The following DST variants were observed in gnomAD, a reference collection of about 807,000 sequenced individuals.
DST encodes dystonin, also known as bullous pemphigoid antigen.
DST carries 253 observed loss-of-function variants against 875.2 expected under a neutral mutation model. That is an observed-to-expected ratio of 0.29 (90% confidence interval 0.26 to 0.32). The LOEUF is 0.32. DST is among the 10% of genes least tolerant of loss of function. The pLI is 1.00. For synonymous variants in DST, 3,124 were observed against 3,197.1 expected, an observed-to-expected ratio of 0.98 and a Z score of 0.77; for missense variants, 8,287 against 9,111.6, an observed-to-expected ratio of 0.91 and a Z score of 3.68.
In DST at chr6:56,540,493, T is replaced by A. The variant is rs539425748; in HGVS notation, c.16609-3553A>T. ...CATATTGTGTCAAAAGTGTCACATTTTCTACTAAGCTGGTGCTACCACAAT... is the reference window on the plus strand; with the variant it reads ...CATATTGTGTCAAAAGTGTCACATTATCTACTAAGCTGGTGCTACCACAAT... On this transcript the variant is annotated intron_variant, in intron 61 of 103. Transcript: ENST00000680361. The A allele has an allele frequency of 2.0e-5, 3 of 152,706 alleles. No individual in the cohort carries two copies. The South Asian group carries it at 6.2e-4, about 32-fold the overall frequency. The allele number at this position is 152,706 out of a possible 1,614,324, so 9.5% of individuals were successfully genotyped here.
rs375923442 is a variant in DST, at chr6:56,851,494, G to C, written c.528C>G (p.Thr176=). Residue 176 remains threonine (T), a synonymous_variant, in exon 4 of 104, where the codon ACC becomes ACG. Coordinates refer to ENST00000680361, the MANE Select transcript of DST (RefSeq NM_001374736.1). ...CATGTTTAGGCAAATTCCAGGGTAA[G>C]GTGTCTCCCGGAGCTGGGGATGCGG... ...SGSASPAPGD[T]LPWNLPKHER... 212 of 1,614,064 alleles carry C rather than the reference G, an allele frequency of 1.3e-4. No individual in the cohort carries two copies. The African/African-American group carries it at 2.3e-3, about 18-fold the overall frequency.
rs1421590205 is a variant in DST at position 56,493,087 on chromosome 6, A to C, written c.20397T>G (p.Thr6799=). 6.2e-7 allele frequency: 1 copy of C among 1,609,894 alleles called. No homozygotes were observed. Among genetic ancestry groups the C allele is most frequent in the Non-Finnish European group, 8.5e-7 (1 of 1,177,772 alleles). The change falls in exon 84 of 104, where the codon ACT becomes ACG. Residue 6799 remains threonine (T), a splice_region_variant and synonymous_variant. Transcript: ENST00000680361. The part of the protein sequence containing the change: ...SVETKLNERK[T]KLEEALNLAM... ...CCAAGTTGAGAGCCTCTTCCAGTTT[A>C]GTCTGCAAGGACAGATTGTTTAGTA... is the stretch of plus-strand genomic sequence containing the variant.
At chr6:56,602,006 T>G (rs371772570) in intron 43 of DST, 10 of 444,762 alleles carry the variant, frequency 2.2e-5, no homozygotes, top group African/African-American at 1.8e-4. Flanking sequence ...AAGAGAAACA[T>G]CTACCTTAAA....
At chr6:56,878,530 A>G (rs529054292) in intron 3 of DST, among the ~76,000 whole-genome samples, 1 of 152,304 alleles carries the variant, frequency 6.6e-6, no homozygotes, top group East Asian at 1.9e-4. Context: ...TTGTGGATGG[A>G]AGGAGGGACC....
Position 56,536,154 on chromosome 6 carries a change from C to A in DST, c.16770+625G>T, listed in dbSNP as rs1308488386. Among the ~76,000 whole-genome samples, 3 of 152,160 alleles carry A rather than the reference C, an allele frequency of 2.0e-5. No homozygotes were observed. The East Asian group carries it at 5.8e-4, about 29-fold the overall frequency. On this transcript the variant is annotated intron_variant, in intron 62 of 103. Coordinates refer to ENST00000680361, the MANE Select transcript of DST (RefSeq NM_001374736.1). ...ATTTATGTCTCGTAAGAGCTGCCTG[C>A]CATCGTATGTCAGCATTATCTCCCT...
intron 32 of DST, 51 bp from the exon 33 acceptor site, chr6:56,628,212 A>C: frequency 6.6e-7 from 1 of 1,515,998 alleles, no homozygotes. Context: ...ATCCATCAGG[A>C]GGGTGGAAGA....
chr6:56,594,187 G>A lies in DST; in HGVS notation c.12202C>T (p.His4068Tyr), dbSNP rs2152689005. ...NQQYQKVKAQ[H>Y]EKIISQHQAV... ...TGGTGCTGAGAGATGATCTTCTCGT[G>A]TTGGGCCTATGTGAAAACAAATTGA... is the stretch of plus-strand genomic sequence containing the variant. The change falls in exon 48 of 104, where the codon CAC (histidine) becomes TAC (tyrosine). Residue 4068 changes from histidine to tyrosine, a missense_variant. His to Tyr is a moderately conservative substitution (Grantham distance 83, BLOSUM62 2). Transcript: ENST00000680361. The A allele has an allele frequency of 6.6e-7, 1 of 1,520,526 alleles. No individual in the cohort carries two copies. The highest frequency in any genetic ancestry group is 8.8e-7 in the Non-Finnish European group (1 of 1,140,724). 94.2% of individuals were successfully genotyped at this position (1,520,526 alleles called of 1,614,324 possible). A position where few individuals can be genotyped will look rare whatever the true frequency, so the allele number is the denominator to read the frequency against.
chr6:56,780,393 T>C (rs1229677903), intron 4 of DST, among the ~76,000 whole-genome samples: 3 of 151,618 alleles, frequency 2.0e-5, no homozygotes, highest in Non-Finnish European at 4.4e-5. Context: ...ACCTGTTGTT[T>C]CCTGACTTTT....
chr6:56,771,192 A>G (rs1303114009), intron 4 of DST, among the ~76,000 whole-genome samples: 2 of 152,176 alleles, frequency 1.3e-5, no homozygotes, highest in Non-Finnish European at 2.9e-5. Flanking sequence ...ACTAGGAGGA[A>G]TCTTAACTAT....
At chr6:56,689,599 CAG>C (rs2099213878) in intron 9 of DST, among the ~76,000 whole-genome samples, 1 of 152,120 alleles carries the variant, frequency 6.6e-6, no homozygotes, top group Non-Finnish European at 1.5e-5. Context: ...ACCCTGGGGC[CAG>C]GCTTTGAGAA....
intron 60 of DST, among the ~76,000 whole-genome samples, chr6:56,554,285 C>A (rs1049471755): frequency 1.2e-4 from 18 of 151,780 alleles, no homozygotes. Context: ...AGGGTTTCAC[C>A]GTGTTAGCCA....
At chr6:56,726,594 G>A (rs1308016858) in intron 5 of DST, among the ~76,000 whole-genome samples, 2 of 152,088 alleles carry the variant, frequency 1.3e-5, no homozygotes, top group Non-Finnish European at 2.9e-5. Flanking sequence ...ATCCTAACTT[G>A]GACCCCACTG....
Position 56,607,147 on chromosome 6 carries a change from G to A in DST, c.7481C>T (p.Ala2494Val), listed in dbSNP as rs367936316. 1.3e-4 allele frequency: 212 copies of A among 1,613,328 alleles called. No individual in the cohort carries two copies. The African/African-American group carries it at 2.4e-3, about 18-fold the overall frequency. Residue 2494 changes from alanine to valine, a missense_variant, in exon 40 of 104, where the codon GCA becomes GTA. By Grantham distance (64) the Ala-to-Val change is moderately conservative. This residue lies in a region of DST where 3,138 missense variants were observed against 3,116.6 expected (regional missense o/e 1.01). Transcript: ENST00000680361. Reference sequence around the variant, plus strand: ...TCCTGGTAAACTGATGTTAATAGCTGCAATTCCCAGAAACTGGTCTTGAAA... The same window carrying A: ...TCCTGGTAAACTGATGTTAATAGCTACAATTCCCAGAAACTGGTCTTGAAA... ...EKFQDQFLGI[A>V]AINISLPGEQ...
At chr6:56,825,099 C>T (rs1210324637) in intron 4 of DST, among the ~76,000 whole-genome samples, 9 of 151,716 alleles carry the variant, frequency 5.9e-5, no homozygotes, top group African/African-American at 1.2e-4. Context: ...GGATGGTTGC[C>T]GTGTCTGTGT....
rs146489582 is a variant in DST, at chr6:56,573,632, GTTTT to G, written c.13236+43_13236+46del. 3 of 1,456,400 alleles carry G rather than the reference GTTTT, an allele frequency of 2.1e-6. No individual in the cohort carries two copies. In the African/African-American group the frequency reaches 4.2e-5, roughly 20 times the overall value. 90.2% of individuals were successfully genotyped at this position (1,456,400 alleles called of 1,614,324 possible). A position where few individuals can be genotyped will look rare whatever the true frequency, so the allele number is the denominator to read the frequency against. ...AACTACACTTTGAGCTTATAAAACT[GTTTT>G]TTTAAAAAACTGAAAATGGGACTTT... On this transcript the variant is annotated intron_variant, in intron 51 of 103. Coordinates refer to ENST00000680361, the MANE Select transcript of DST (RefSeq NM_001374736.1).
At chr6:56,671,728 G>A (rs776553228) in intron 9 of DST, among the ~76,000 whole-genome samples, 10 of 152,156 alleles carry the variant, frequency 6.6e-5, no homozygotes, top group Non-Finnish European at 1.2e-4. Context: ...CTCAATCAGT[G>A]CAAGACGCAA....
intron 9 of DST, among the ~76,000 whole-genome samples, chr6:56,689,126 A>G (rs908993675): frequency 6.6e-6 from 1 of 152,200 alleles, no homozygotes; most frequent in Non-Finnish European, 1.5e-5. Context: ...GATGGAGCTC[A>G]TAACAGAACA....
intron 10 of DST, among the ~76,000 whole-genome samples, chr6:56,655,718 A>G (rs2099003814): frequency 1.3e-5 from 2 of 152,126 alleles, no homozygotes; most frequent in African/African-American, 4.8e-5. Flanking sequence ...TGCTCAAGAA[A>G]TGTCCACTGC....
intron 9 of DST, among the ~76,000 whole-genome samples, chr6:56,675,510 G>A (rs944139928): frequency 2.6e-5 from 4 of 152,216 alleles, no homozygotes; most frequent in African/African-American, 4.8e-5. Flanking sequence ...ATCTTATAAC[G>A]AGTTAATATC....
Sources: allele counts gnomAD v4.1 joint callset (sites outside exome capture counted in the v4.1 genomes callset), GRCh38; gene constraint gnomAD v4.1.1; regional missense constraint gnomAD v4.1.1; transcripts MANE v1.5; gene names NCBI Gene and HGNC (gene_info 2026-07-23, HGNC 2026-07-21).